Variants in LDAH observed in about 807,000 individuals in gnomAD.
LDAH encodes the protein lipid droplet associated hydrolase, also known as lipid droplet-associated hydrolase.
LDAH carries 26 observed loss-of-function variants against 29.6 expected under a neutral mutation model. The ratio of observed to expected loss-of-function variants is 0.88; its 90% CI spans 0.64 to 1.22. The LOEUF is 1.22. Among genes scored for constraint, LDAH ranks in the 50% most tolerant of loss-of-function variants. LDAH has a pLI of 0.00. For synonymous variants in LDAH, 117 were observed against 133.0 expected (o/e 0.88, Z 0.83); for missense variants, 344 against 387.3 (o/e 0.89, Z 0.94).
At chr2:20,815,167 G>A (rs1558505609) in intron 1 of LDAH, among the ~76,000 whole-genome samples, 1 of 151,974 alleles carries the variant, frequency 6.6e-6, no homozygotes, top group Non-Finnish European at 1.5e-5. Flanking sequence ...TTGCTGGATG[G>A]GCTCAATAGT....
At chr2:20,699,939 G>T (rs1222390074) in intron 6 of LDAH, among the ~76,000 whole-genome samples, 1 of 152,178 alleles carries the variant, frequency 6.6e-6, no homozygotes, top group Non-Finnish European at 1.5e-5. Flanking sequence ...CAGAAATGAT[G>T]AGTATTTTAC....
intron 4 of LDAH, 104 bp downstream of exon 4, chr2:20,774,706 C>G (rs1669670508): frequency 1.8e-6 from 2 of 1,141,508 alleles, no homozygotes; most frequent in Non-Finnish European, 2.6e-6. Flanking sequence ...TCTCTCTGTT[C>G]TATTTATCAA....
chr2:20,759,234 CCCTGGAAAATGATTTACTGTCTGGCTT>C (rs1668526071), intron 4 of LDAH, among the ~76,000 whole-genome samples: 1 of 152,088 alleles, frequency 6.6e-6, no homozygotes, highest in Non-Finnish European at 1.5e-5. Flanking sequence ...ATATGACTGA[CCCTGGAAAATGATTTACTGTCTGGCTT>C]CCTAGGGAGA....
intron 4 of LDAH, among the ~76,000 whole-genome samples, chr2:20,745,780 A>G (rs1667527275): frequency 6.6e-6 from 1 of 152,254 alleles, no homozygotes; most frequent in South Asian, 2.1e-4. Context: ...AATTTAAGCA[A>G]TAAATAATAA....
chr2:20,703,953 G>A (rs1412374133), intron 5 of LDAH, among the ~76,000 whole-genome samples: 1 of 152,192 alleles, frequency 6.6e-6, no homozygotes, highest in Admixed American at 6.5e-5. Context: ...GATGATAGAT[G>A]GTGAGAAAGT....
At chr2:20,780,226 C>T (rs1670097867) in intron 3 of LDAH, among the ~76,000 whole-genome samples, 1 of 152,068 alleles carries the variant, frequency 6.6e-6, no homozygotes, top group African/African-American at 2.4e-5. Context: ...TTTGTAAACC[C>T]CAAGCATATG....
intron 6 of LDAH, among the ~76,000 whole-genome samples, chr2:20,691,905 C>T (rs1663060672): frequency 6.6e-6 from 1 of 152,156 alleles, no homozygotes; most frequent in South Asian, 2.1e-4. Flanking sequence ...ATGAACTTCC[C>T]TTTAACTGTT....
intron 5 of LDAH, among the ~76,000 whole-genome samples, chr2:20,738,947 A>G (rs1353720939): frequency 6.6e-6 from 1 of 152,192 alleles, no homozygotes; most frequent in African/African-American, 2.4e-5. Flanking sequence ...AGCATGGAAA[A>G]CTTTATTCAG....
At chr2:20,751,742 A>G (rs1667988522) in intron 4 of LDAH, among the ~76,000 whole-genome samples, 2 of 152,260 alleles carry the variant, frequency 1.3e-5, no homozygotes, top group African/African-American at 4.8e-5. Flanking sequence ...GAAAGACAGC[A>G]CAACAAATAT....
downstream of LDAH, chr2:20,683,948 C>A (rs1662386144): frequency 6.6e-6 from 1 of 151,996 alleles, no homozygotes; most frequent in Non-Finnish European, 1.5e-5. Flanking sequence ...GGATTTGAAC[C>A]CAGGTCTTCA....
chr2:20,738,016 G>A (rs1388818193), intron 5 of LDAH, among the ~76,000 whole-genome samples: 2 of 152,008 alleles, frequency 1.3e-5, no homozygotes, highest in Non-Finnish European at 2.9e-5. Context: ...AACTTTGGGA[G>A]GCTGAGGCGG....
chr2:20,789,719 C>G (rs1190114096), intron 3 of LDAH, among the ~76,000 whole-genome samples: 1 of 152,164 alleles, frequency 6.6e-6, no homozygotes, highest in Non-Finnish European at 1.5e-5. Context: ...AGGTGTGCGA[C>G]GGGCGAGTGA....
Position 20,790,311 on chromosome 2 carries a change from C to A in LDAH, c.242G>T (p.Ser81Ile). The change falls in exon 3 of 7, where the codon AGT (serine) becomes ATT (isoleucine). Residue 81 changes from serine to isoleucine, a missense_variant. Ser to Ile is a moderately radical substitution (Grantham distance 142). Coordinates refer to ENST00000237822, the MANE Select transcript of LDAH (RefSeq NM_021925.4). ...TNRRFPVWTISHAGHALAPKD... is the reference protein window; with the variant it reads ...TNRRFPVWTIIHAGHALAPKD... ...GGGAGCCAACGCATGCCCAGCATGA[C>A]TGATAGTCCAAACTGGAAAGCGTCT... is the stretch of plus-strand genomic sequence containing the variant. 1 of 1,614,134 alleles carries A rather than the reference C, an allele frequency of 6.2e-7. No individual in the cohort carries two copies. Among genetic ancestry groups the A allele is most frequent in the Non-Finnish European group, 8.5e-7 (1 of 1,179,986 alleles).
rs111963127 is a variant in LDAH at position 20,701,453 on chromosome 2, CTA to C, written c.786+115_786+116del. The C allele has an allele frequency of 4.3e-4, 345 of 794,572 alleles. 1 individual carries two copies. In the African/African-American group the frequency reaches 5.3e-3, roughly 12 times the overall value. 49.2% of individuals were successfully genotyped at this position (794,572 alleles called of 1,614,324 possible). ...TTCAATTTTAACTGGAAGTAGAACT[CTA>C]TGTCATTCTACCAACCCTTAAAGTC... On this transcript the variant is annotated intron_variant, in intron 6 of 6. Coordinates refer to ENST00000237822, the MANE Select transcript of LDAH (RefSeq NM_021925.4).
intron 5 of LDAH, among the ~76,000 whole-genome samples, chr2:20,708,292 T>C (rs1664455899): frequency 6.6e-6 from 1 of 152,140 alleles, no homozygotes; most frequent in African/African-American, 2.4e-5. Context: ...GTTTTTGCCT[T>C]GGTGGTGGAG....
chr2:20,761,483 G>A (rs936011071), intron 4 of LDAH, among the ~76,000 whole-genome samples: 1 of 152,168 alleles, frequency 6.6e-6, no homozygotes, highest in South Asian at 2.1e-4. Flanking sequence ...TTCTATCGGA[G>A]CAATCAGCAA....
At chr2:20,821,575 T>C (rs1435803880) in intron 1 of LDAH, among the ~76,000 whole-genome samples, 6 of 152,048 alleles carry the variant, frequency 3.9e-5, no homozygotes, top group South Asian at 2.1e-4. Flanking sequence ...ATGAGAACAC[T>C]TGGACACAGG....
In LDAH at chr2:20,684,622, G is replaced by A. The variant is rs141390786; in HGVS notation, c.*2281C>T. On this transcript the variant is annotated 3_prime_UTR_variant, in exon 7 of 7. Coordinates refer to ENST00000237822, the MANE Select transcript of LDAH (RefSeq NM_021925.4). ...CTCTCCAAAGGTTGAGTGGAGAAGC[G>A]TATGGTGAGAGGCCCTTGGTGGCCA... 4.0e-3 allele frequency: 1,407 copies of A among 354,018 alleles called. 2 individuals are homozygous for A. Among genetic ancestry groups the A allele is most frequent in the South Asian group, 0.016 (233 of 15,008 alleles). 21.9% of individuals were successfully genotyped at this position (354,018 alleles called of 1,614,324 possible). A position where few individuals can be genotyped will look rare whatever the true frequency, so the allele number is the denominator to read the frequency against.
intron 5 of LDAH, among the ~76,000 whole-genome samples, chr2:20,728,557 C>T (rs1187039601): frequency 2.0e-5 from 3 of 152,130 alleles, no homozygotes; most frequent in Non-Finnish European, 4.4e-5. Context: ...GGGACTTTCT[C>T]TTTGTGGGAA....
Sources: gnomAD v4.1 joint callset for allele counts (sites outside exome capture counted in the v4.1 genomes callset) on GRCh38, gnomAD v4.1.1 for gene constraint, MANE v1.5 for transcripts, NCBI Gene and HGNC (gene_info 2026-07-23, HGNC 2026-07-21) for gene names.